The following EXOG variants were observed in gnomAD, a reference collection of about 807,000 sequenced individuals.
The protein encoded by EXOG is exo/endonuclease G, also known as nuclease EXOG, mitochondrial.
In EXOG, 27 loss-of-function variants were observed where a neutral mutation model predicts 25.8. The observed-to-expected ratio is 1.05, with a 90% CI of 0.77 to 1.45. EXOG has a LOEUF of 1.45. Ranked by LOEUF, EXOG falls within the 40% of genes most tolerant of loss-of-function variation. EXOG has a pLI of 0.00. For missense variants in EXOG, 458 were observed against 450.5 expected (o/e 1.02, Z -0.15); for synonymous variants, 133 against 167.0 (o/e 0.80, Z 1.57).
Position 38,497,731 on chromosome 3 carries a change from G to A in EXOG, c.266G>A (p.Arg89Gln), listed in dbSNP as rs182008971. The change falls in exon 2 of 6, where the codon CGG (arginine) becomes CAG (glutamine). Residue 89 changes from arginine to glutamine, a missense_variant. Arg to Gln is a conservative substitution (Grantham distance 43). Coordinates refer to ENST00000287675, the MANE Select transcript of EXOG (RefSeq NM_005107.4). ...NHALSYDQAK[R>Q]VPRWVLEHIS... The stretch of plus-strand genomic sequence containing the variant: ...GCTTTGTCTTATGATCAGGCAAAGC[G>A]GGTGCCTAGATGGGTTCTTGAACAT... 13 of 1,608,488 alleles carry A rather than the reference G, an allele frequency of 8.1e-6. No individual in the cohort carries two copies. The highest frequency in any genetic ancestry group is 3.4e-5 in the South Asian group (3 of 89,224).
At chr3:38,512,274 G>T (rs1423152230) in intron 5 of EXOG, among the ~76,000 whole-genome samples, 1 of 152,058 alleles carries the variant, frequency 6.6e-6, no homozygotes, top group Non-Finnish European at 1.5e-5. Flanking sequence ...TGTGCATAAT[G>T]ATAAAAATGC....
At chr3:38,522,940 C>T (rs981858398) in intron 5 of EXOG, among the ~76,000 whole-genome samples, 5 of 152,192 alleles carry the variant, frequency 3.3e-5, no homozygotes, top group African/African-American at 9.7e-5. Context: ...GATACCTTTC[C>T]AAAATGTTTG....
chr3:38,506,833 AT>A lies in EXOG; in HGVS notation c.531-14del, dbSNP rs769937945. 1.7e-5 allele frequency: 21 copies of A among 1,217,460 alleles called. No individual in the cohort carries two copies. The highest frequency in any genetic ancestry group is 6.0e-5 in the African/African-American group (4 of 66,904). The allele number at this position is 1,217,460 out of a possible 1,614,324, so 75.4% of individuals were successfully genotyped here. On this transcript the variant is annotated intron_variant, in intron 4 of 5. Transcript: ENST00000287675. The stretch of plus-strand genomic sequence containing the variant: ...ATGTATATATGTGAGAATATCATAC[AT>A]TTTTTTATTTGTTTTTCAGAATAGA...
Position 38,525,964 on chromosome 3 carries a change from A to G in EXOG, c.*1602A>G. On this transcript the variant is annotated 3_prime_UTR_variant, in exon 6 of 6. Transcript: ENST00000287675. ...GTCTCAAAAAAAGAAAAGAAAAAAG[A>G]AAAAGGTCTGCCCACAAAATCACTA... The G allele has an allele frequency of 1.0e-6, 1 of 984,662 alleles. No homozygotes were observed. The highest frequency in any genetic ancestry group is 1.7e-5 in the African/African-American group (1 of 57,330). The allele number at this position is 984,662 out of a possible 1,614,324, so 61.0% of individuals were successfully genotyped here. A position where few individuals can be genotyped will look rare whatever the true frequency, so the allele number is the denominator to read the frequency against.
intron 5 of EXOG, among the ~76,000 whole-genome samples, chr3:38,512,198 G>C (rs1235439253): frequency 6.6e-6 from 1 of 152,088 alleles, no homozygotes; most frequent in African/African-American, 2.4e-5. Context: ...TGGCATTAAA[G>C]TCATAACTGG....
chr3:38,524,344 G>C lies in EXOG; in HGVS notation c.1089G>C (p.Gln363His). Residue 363 changes from glutamine to histidine, a missense_variant, in exon 6 of 6, where the codon CAG becomes CAC. Gln to His is a conservative substitution (Grantham distance 24, BLOSUM62 0). Coordinates refer to ENST00000287675, the MANE Select transcript of EXOG (RefSeq NM_005107.4). ...ELKAKEQSGT[Q>H]IRKPS is the part of the protein sequence containing the mutation. ...AAGCTAAGGAGCAGTCAGGAACCCAGATAAGAAAGCCATCCTAGTTTTTAT... is the reference window on the plus strand; with the variant it reads ...AAGCTAAGGAGCAGTCAGGAACCCACATAAGAAAGCCATCCTAGTTTTTAT... The C allele has an allele frequency of 6.2e-7, 1 of 1,603,354 alleles. No individual in the cohort carries two copies. The highest frequency in any genetic ancestry group is 8.5e-7 in the Non-Finnish European group (1 of 1,176,304).
At chr3:38,523,828 A>T in intron 5 of EXOG, 73 bp from the exon 6 acceptor site, 1 of 1,018,326 alleles carries the variant, frequency 9.8e-7, no homozygotes, top group Non-Finnish European at 1.5e-6. Flanking sequence ...TGCATTAAAT[A>T]AGTATTTTTC....
chr3:38,507,188 G>A (rs2060227453), intron 5 of EXOG, among the ~76,000 whole-genome samples: 1 of 152,224 alleles, frequency 6.6e-6, no homozygotes, highest in Non-Finnish European at 1.5e-5. Flanking sequence ...GGAACTCACG[G>A]TTTAGAGTGG....
chr3:38,515,540 CG>C, intron 5 of EXOG: 1 of 189,360 alleles, frequency 5.3e-6, no homozygotes, highest in Admixed American at 6.0e-5. Context: ...GCCAGCTCCT[CG>C]GTGAGGAACT....
chr3:38,522,590 C>T (rs1473190035), intron 5 of EXOG, among the ~76,000 whole-genome samples: 1 of 152,184 alleles, frequency 6.6e-6, no homozygotes, highest in East Asian at 1.9e-4. Context: ...CTGCAACCTC[C>T]ACCTCCCGGG....
At chr3:38,520,765 C>T (rs961470801) in intron 5 of EXOG, among the ~76,000 whole-genome samples, 3 of 152,158 alleles carry the variant, frequency 2.0e-5, no homozygotes, top group Admixed American at 1.3e-4. Flanking sequence ...ATGAGAGAGG[C>T]ATTTATAAAA....
At position 38,524,045 on chromosome 3, in the gene EXOG, GA is replaced by G. The variant is rs1257662728; in HGVS notation, c.792del (p.Glu264AspfsTer4). 6.2e-7 allele frequency: 1 copy of G among 1,614,182 alleles called. No individual in the cohort carries two copies. The highest frequency in any genetic ancestry group is 8.5e-7 in the Non-Finnish European group (1 of 1,180,040). On this transcript the variant is annotated frameshift_variant, in exon 6 of 6. Transcript: ENST00000287675. LOFTEE classifies it low-confidence loss of function (END_TRUNC). Reference sequence around the variant, plus strand: ...CATCGGCTTCCAGCCCCAGTTAACTGAATTCCAAGTGAGCCTCCAGGACCTA... The same window carrying G: ...CATCGGCTTCCAGCCCCAGTTAACTGATTCCAAGTGAGCCTCCAGGACCTA... Reference protein sequence around the residue: ...EAIGFQPQLTEFQVSLQDLEK... With the variant: ...EAIGFQPQLTXFQVSLQDLEK...
At position 38,524,139 on chromosome 3, in the gene EXOG, C is replaced by T; in HGVS notation, c.884C>T (p.Ser295Phe). The T allele has an allele frequency of 6.2e-7, 1 of 1,614,096 alleles. No homozygotes were observed. Among genetic ancestry groups the T allele is most frequent in the Non-Finnish European group, 8.5e-7 (1 of 1,179,970 alleles). ...DRTSDIRNIC[S>F]VDTCKLLDFQ... ...ACTAGTGATATCCGGAATATCTGCT[C>T]TGTGGACACCTGTAAGCTCCTGGAT... The change falls in exon 6 of 6, where the codon TCT becomes TTT. Residue 295 changes from serine (S) to phenylalanine (F), a missense_variant. Physicochemically the swap from Ser to Phe is radical, Grantham distance 155. Transcript: ENST00000287675.
chr3:38,504,636 A>G (rs2060147768), intron 4 of EXOG, among the ~76,000 whole-genome samples: 1 of 152,010 alleles, frequency 6.6e-6, no homozygotes, highest in African/African-American at 2.4e-5. Context: ...GGGTTTCACT[A>G]TGTTGGCCAG....
At chr3:38,501,334 A>G (rs947859324) in intron 2 of EXOG, 21 bp from the exon 3 acceptor site, 20 of 1,610,562 alleles carry the variant, frequency 1.2e-5, no homozygotes, top group Admixed American at 1.7e-5. Flanking sequence ...TAACATATCC[A>G]TTTTGTGTGT....
In EXOG at chr3:38,496,411, G is replaced by A. The variant is rs1559668450; in HGVS notation, c.44G>A (p.Arg15His). 2.5e-6 allele frequency: 4 copies of A among 1,613,950 alleles called. No individual in the cohort carries two copies. Among genetic ancestry groups the A allele is most frequent in the Middle Eastern group, 1.6e-4 (1 of 6,080 alleles). Residue 15 changes from arginine to histidine, a missense_variant, in exon 1 of 6, where the codon CGT becomes CAT. Arg to His is a conservative substitution (Grantham distance 29). Around this residue, in one of 3 missense-constraint regions of EXOG, gnomAD observed 275 missense variants for 230.5 expected, o/e 1.19. Coordinates refer to ENST00000287675, the MANE Select transcript of EXOG (RefSeq NM_005107.4). ...SIASRLRGSR[R>H]FLSGFVAGAV... is the part of the protein sequence containing the mutation. ...GCTTCCCGCCTCCGGGGTTCCCGTCGTTTTCTGAGCGGCTTCGTGGCTGGG... is the reference window on the plus strand; with the variant it reads ...GCTTCCCGCCTCCGGGGTTCCCGTCATTTTCTGAGCGGCTTCGTGGCTGGG...
rs192313882 is a variant in EXOG at position 38,520,090 on chromosome 3, T to C, written c.646-3811T>C. ...TCTAGCAGGTACATATTTTTTCCTC[T>C]TGATGCTGCTTAATATTTTATTGGA... On this transcript the variant is annotated intron_variant, in intron 5 of 5. Transcript: ENST00000287675. Among the ~76,000 whole-genome samples, 264 of 152,334 alleles carry C rather than the reference T, an allele frequency of 1.7e-3. 1 individual carries two copies. Among genetic ancestry groups the C allele is most frequent in the Non-Finnish European group, 3.3e-3 (222 of 68,034 alleles).
chr3:38,496,468 C>A lies in EXOG; in HGVS notation c.101C>A (p.Ala34Glu). 6.2e-7 allele frequency: 1 copy of A among 1,613,988 alleles called. No individual in the cohort carries two copies. The highest frequency in any genetic ancestry group is 8.5e-7 in the Non-Finnish European group (1 of 1,179,992). Residue 34 changes from alanine to glutamate, a missense_variant, in exon 1 of 6, where the codon GCG (alanine) becomes GAG (glutamate). By Grantham distance (107) the Ala-to-Glu change is moderately radical. Around this residue, in one of 3 missense-constraint regions of EXOG, gnomAD observed 275 missense variants for 230.5 expected, o/e 1.19. Coordinates refer to ENST00000287675, the MANE Select transcript of EXOG (RefSeq NM_005107.4). Reference protein sequence around the residue: ...AVVGAAGAGLAALQFFRSQGA... With the variant: ...AVVGAAGAGLEALQFFRSQGA... ...GTGGGCGCTGCGGGAGCTGGGCTCGCGGCCCTGCAGTTCTTCCGGAGTCAG... is the reference window on the plus strand; with the variant it reads ...GTGGGCGCTGCGGGAGCTGGGCTCGAGGCCCTGCAGTTCTTCCGGAGTCAG...
At chr3:38,499,670 A>C (rs12638090) in intron 2 of EXOG, 38,969 of 453,294 alleles carry the variant, frequency 0.086, 2,920 homozygotes, top group African/African-American at 0.22. Flanking sequence ...GATTTTTGCT[A>C]TGTTGCCTAG....
Sources: gnomAD v4.1 joint callset for allele counts (sites outside exome capture counted in the v4.1 genomes callset) on GRCh38, gnomAD v4.1.1 for gene constraint, gnomAD v4.1.1 regional missense constraint, MANE v1.5 for transcripts, NCBI Gene and HGNC (gene_info 2026-07-23, HGNC 2026-07-21) for gene names.